NUP205: variants seen among roughly 807,000 people sequenced by gnomAD.
The protein encoded by NUP205 is nucleoporin 205, also known as nuclear pore complex protein Nup205.
NUP205 carries 76 observed loss-of-function variants against 253.8 expected under a neutral mutation model. The ratio of observed to expected loss-of-function variants is 0.30; its 90% CI spans 0.25 to 0.36. The LOEUF (loss-of-function observed/expected upper bound fraction) is 0.36. Among genes scored for constraint, NUP205 ranks in the 10% least tolerant of loss-of-function variants. NUP205 has a pLI of 1.00. For missense variants in NUP205, 2,162 were observed against 2,425.5 expected, an observed-to-expected ratio of 0.89 and a Z score of 2.28; for synonymous variants, 832 against 850.1, an observed-to-expected ratio of 0.98 and a Z score of 0.37.
At chr7:135,617,350 T>C in intron 26 of NUP205, 103 bp downstream of exon 26, 1 of 1,162,232 alleles carries the variant, frequency 8.6e-7, no homozygotes, top group Non-Finnish European at 1.2e-6. Flanking sequence ...GATAGAGACA[T>C]TGGTTTAGTA....
intron 12 of NUP205, 120 bp from the exon 13 acceptor site, chr7:135,594,427 G>A (rs905161744): frequency 8.4e-6 from 5 of 594,496 alleles, no homozygotes; most frequent in Non-Finnish European, 8.4e-6. Flanking sequence ...GCTTATTTTT[G>A]TTTTAGTATA....
At chr7:135,637,822 G>A in intron 36 of NUP205, 109 bp from the exon 37 acceptor site, 2 of 917,386 alleles carry the variant, frequency 2.2e-6, no homozygotes, top group East Asian at 2.9e-5. Flanking sequence ...GATATTAGAT[G>A]CCTTAAGGAC....
chr7:135,603,699 G>A (rs548732855), intron 18 of NUP205, among the ~76,000 whole-genome samples: 70 of 151,628 alleles, frequency 4.6e-4, no homozygotes, highest in Non-Finnish European at 5.6e-4. Flanking sequence ...TAGTAGAGAT[G>A]GGCTTTCACC....
chr7:135,628,223 T>C, intron 34 of NUP205, 112 bp downstream of exon 34: 3 of 1,008,868 alleles, frequency 3.0e-6, no homozygotes, highest in South Asian at 2.1e-5. Flanking sequence ...TCCTAATGTT[T>C]GTGGCAGAGC....
At chr7:135,568,616 G>C (rs1304308779) in intron 1 of NUP205, among the ~76,000 whole-genome samples, 1 of 152,108 alleles carries the variant, frequency 6.6e-6, no homozygotes, top group Non-Finnish European at 1.5e-5. Context: ...TTATAGGTGA[G>C]AGCCAGCCTG....
intron 7 of NUP205, among the ~76,000 whole-genome samples, chr7:135,581,190 T>C (rs911100837): frequency 6.6e-6 from 1 of 152,194 alleles, no homozygotes; most frequent in Non-Finnish European, 1.5e-5. Context: ...GAAAAATTGG[T>C]TTCTGTTCTC....
intron 35 of NUP205, among the ~76,000 whole-genome samples, chr7:135,631,798 A>G (rs555471618): frequency 1.2e-3 from 165 of 141,502 alleles, no homozygotes; most frequent in African/African-American, 3.6e-3. Flanking sequence ...CGCCCAGGCT[A>G]GAGTGCAGTG....
chr7:135,626,134 C>A, intron 32 of NUP205, 106 bp from the exon 33 acceptor site: 1 of 1,347,404 alleles, frequency 7.4e-7, no homozygotes, highest in Non-Finnish European at 1.0e-6. Context: ...GATTTCTCTT[C>A]AGTGATAACT....
chr7:135,587,802 A>G, intron 9 of NUP205, 53 bp from the exon 10 acceptor site: 1 of 1,552,504 alleles, frequency 6.4e-7, no homozygotes, highest in Non-Finnish European at 8.7e-7. Flanking sequence ...TTTTATTGAA[A>G]GTAATTTTTC....
intron 34 of NUP205, among the ~76,000 whole-genome samples, chr7:135,628,656 T>G (rs553324892): frequency 6.6e-6 from 1 of 152,390 alleles, no homozygotes; most frequent in East Asian, 1.9e-4. Flanking sequence ...AACACACATT[T>G]TTTTAAAAAT....
intron 1 of NUP205, among the ~76,000 whole-genome samples, chr7:135,564,689 G>A (rs535581165): frequency 6.6e-6 from 1 of 152,068 alleles, no homozygotes; most frequent in East Asian, 1.9e-4. Context: ...GAGCCACCTT[G>A]CCTGGCCCTT....
intron 22 of NUP205, among the ~76,000 whole-genome samples, chr7:135,612,832 A>G (rs543951474): frequency 2.0e-5 from 3 of 152,330 alleles, no homozygotes; most frequent in Non-Finnish European, 4.4e-5. Flanking sequence ...TTAGATTTTA[A>G]TTCACAAGTA....
Position 135,573,760 on chromosome 7 carries a change from A to C in NUP205, c.278A>C (p.Glu93Ala). Residue 93 changes from glutamate to alanine, a missense_variant, in exon 3 of 43, where the codon GAA (glutamate) becomes GCA (alanine). Glu to Ala is a moderately radical substitution (Grantham distance 107). Around this residue, in one of 5 missense-constraint regions of NUP205, gnomAD observed 109 missense variants for 131.8 expected, o/e 0.83. Coordinates refer to ENST00000285968, the MANE Select transcript of NUP205 (RefSeq NM_015135.3). ...CTTCTTCCTGAACAGCTCATTAAAGAAGCCTTTATTCTCAGTGACCTTTTT... is the reference window on the plus strand; with the variant it reads ...CTTCTTCCTGAACAGCTCATTAAAGCAGCCTTTATTCTCAGTGACCTTTTT... Reference protein sequence around the residue: ...TRLLPEQLIKEAFILSDLFDI... With the variant: ...TRLLPEQLIKAAFILSDLFDI... 1 of 1,613,946 alleles carries C rather than the reference A, an allele frequency of 6.2e-7. No homozygotes were observed. The highest frequency in any genetic ancestry group is 2.2e-5 in the East Asian group (1 of 44,872).
At position 135,588,229 on chromosome 7, in the gene NUP205, C is replaced by T. The variant is rs1018616871; in HGVS notation, c.1473+237C>T. 4.2e-5 allele frequency among the ~76,000 whole-genome samples: 6 copies of T among 142,006 alleles called. 1 individual carries two copies. The highest frequency in any genetic ancestry group is 4.2e-4 in the Admixed American group (6 of 14,352). The allele number at this position is 142,006 out of a possible 152,430, so 93.2% of individuals were successfully genotyped here. On this transcript the variant is annotated intron_variant, in intron 10 of 42. Coordinates refer to ENST00000285968, the MANE Select transcript of NUP205 (RefSeq NM_015135.3). ...GATCTCAGCTCACTGTAGCTTTGAC[C>T]TCCCAGGTGGAAGTGATCCTCCCGC...
Position 135,592,197 on chromosome 7 carries a change from C to T in NUP205, c.1624+597C>T, listed in dbSNP as rs1806647067. Among the ~76,000 whole-genome samples the T allele has an allele frequency of 2.0e-5, 3 of 152,218 alleles. 1 individual carries two copies. The South Asian group carries it at 6.2e-4, about 32-fold the overall frequency. On this transcript the variant is annotated intron_variant, in intron 11 of 42. Coordinates refer to ENST00000285968, the MANE Select transcript of NUP205 (RefSeq NM_015135.3). The stretch of plus-strand genomic sequence containing the variant: ...TCGGCTTGGCTCCAAAGCCAGTGTT[C>T]TGACTACTCTGTCAAGCCTGCCAGT...
chr7:135,635,164 A>G (rs970250666), intron 35 of NUP205, among the ~76,000 whole-genome samples: 2 of 152,184 alleles, frequency 1.3e-5, no homozygotes, highest in African/African-American at 4.8e-5. Flanking sequence ...TTTCTTTGTA[A>G]ATTGTACTTT....
intron 1 of NUP205, among the ~76,000 whole-genome samples, chr7:135,560,085 C>T (rs1426564455): frequency 1.3e-5 from 2 of 152,040 alleles, no homozygotes; most frequent in Non-Finnish European, 2.9e-5. Flanking sequence ...GTCTCGAGCT[C>T]CTGACCCCGT....
At chr7:135,595,613 A>G (rs1279785446) in intron 13 of NUP205, among the ~76,000 whole-genome samples, 4 of 152,162 alleles carry the variant, frequency 2.6e-5, no homozygotes, top group Non-Finnish European at 5.9e-5. Context: ...TTTGGGCAGA[A>G]TGGGAATGTG....
rs57007288 is a variant in NUP205, at chr7:135,642,843, G to GGTGTGTGTGTGT, written c.5393-322_5393-311dup. Among the ~76,000 whole-genome samples the GGTGTGTGTGTGT allele has an allele frequency of 7.8e-3, 1,137 of 144,962 alleles. 19 individuals carry two copies. The highest frequency in any genetic ancestry group is 0.024 in the African/African-American group (951 of 38,882). On this transcript the variant is annotated intron_variant, in intron 38 of 42. Coordinates refer to ENST00000285968, the MANE Select transcript of NUP205 (RefSeq NM_015135.3). ...GTGTATATTGTTTTTGATGTGGAGG[G>GGTGTGTGTGTGT]GTGTGTGTGTGTGTGTGTGTGTGTG...
Sources: gnomAD v4.1 joint callset for allele counts (sites outside exome capture counted in the v4.1 genomes callset) on GRCh38, gnomAD v4.1.1 for gene constraint, gnomAD v4.1.1 regional missense constraint, MANE v1.5 for transcripts, NCBI Gene and HGNC (gene_info 2026-07-23, HGNC 2026-07-21) for gene names.